COL18A1: variants seen among roughly 807,000 people sequenced by gnomAD.
COL18A1 encodes collagen type XVIII alpha 1 chain.
A neutral mutation model predicts 168.0 loss-of-function variants in COL18A1; 133 were observed. The observed-to-expected ratio is 0.79, with a 90% CI of 0.69 to 0.91. The LOEUF (loss-of-function observed/expected upper bound fraction) is 0.91, where lower values mean the gene tolerates loss of function less well. Among genes scored for constraint, COL18A1 ranks in the 40% least tolerant of loss-of-function variants. COL18A1 has a pLI of 0.00. For missense variants in COL18A1, 2,126 were observed against 1,925.4 expected (o/e 1.10, Z -1.95); for synonymous variants, 949 against 809.0 (o/e 1.17, Z -2.94).
Position 45,425,967 on chromosome 21 carries a change from G to A in COL18A1, c.106+20494G>A, listed in dbSNP as rs886547601. ...TCTTTCATGTGGGATGAGAACCCAG[G>A]AAGGGGCTGAGTGTGACTCCTCTGG... is the stretch of plus-strand genomic sequence containing the variant. On this transcript the variant is annotated intron_variant, in intron 2 of 41. Transcript: ENST00000651438. This position sits in a 1 kb window ranked among gnomAD's most constrained non-coding sequence, Gnocchi z 4.1. Among the ~76,000 whole-genome samples, 1 of 152,174 alleles carries A rather than the reference G, an allele frequency of 6.6e-6. No individual in the cohort carries two copies. Among genetic ancestry groups the A allele is most frequent in the African/African-American group, 2.4e-5 (1 of 41,444 alleles).
chr21:45,435,079 C>T (rs976473561), intron 2 of COL18A1, among the ~76,000 whole-genome samples: 1 of 152,042 alleles, frequency 6.6e-6, no homozygotes, highest in East Asian at 1.9e-4. Context: ...CCTGCTTTCT[C>T]GCAGCCCTGG....
chr21:45,442,607 G>A (rs2034399227), intron 2 of COL18A1, among the ~76,000 whole-genome samples: 1 of 151,458 alleles, frequency 6.6e-6, no homozygotes, highest in Non-Finnish European at 1.5e-5. Flanking sequence ...GTGCTGGTGT[G>A]GGCGGCGGTC....
chr21:45,427,423 C>G (rs1602358627), intron 2 of COL18A1, among the ~76,000 whole-genome samples: 1 of 152,140 alleles, frequency 6.6e-6, no homozygotes, highest in Admixed American at 6.5e-5. Context: ...GCCCACCAGC[C>G]TCCCATGTCT....
At chr21:45,503,951 A>C (rs1255631983) in intron 32 of COL18A1, 60 bp from the exon 33 acceptor site, 7 of 1,602,512 alleles carry the variant, frequency 4.4e-6, no homozygotes, top group Non-Finnish European at 1.7e-6. Flanking sequence ...GGGGCTGCAG[A>C]GGGAACCCGG....
At position 45,463,624 on chromosome 21, in the gene COL18A1, A is replaced by G. The variant is rs2035110074; in HGVS notation, c.107-4618A>G. On this transcript the variant is annotated intron_variant, in intron 2 of 41. Coordinates refer to ENST00000651438, the MANE Select transcript of COL18A1 (RefSeq NM_001379500.1). The surrounding 1 kb of genome is among the most constrained non-coding windows in gnomAD (Gnocchi z 4.0). ...TCAAGAAATCAAGTCTTGGCCAGGC[A>G]TGGTGGCTCACGTCTGTAATCCCAG... is the stretch of plus-strand genomic sequence containing the variant. Among the ~76,000 whole-genome samples, 1 of 152,194 alleles carries G rather than the reference A, an allele frequency of 6.6e-6. No individual in the cohort carries two copies. The highest frequency in any genetic ancestry group is 2.1e-4 in the South Asian group (1 of 4,828).
Position 45,504,441 on chromosome 21 carries a change from C to T in COL18A1, c.2753C>T (p.Ala918Val), listed in dbSNP as rs2037058211. The T allele has an allele frequency of 1.2e-6, 2 of 1,611,614 alleles. No homozygotes were observed. Among genetic ancestry groups the T allele is most frequent in the Non-Finnish European group, 1.7e-6 (2 of 1,179,326 alleles). The part of the protein sequence containing the change: ...MKGEKGDRGD[A>V]GQKGERGEPG... ...GGGGAGAAGGGAGACCGAGGTGATG[C>T]AGGACAGAAAGGCGAAAGGGGGGAG... Residue 918 changes from alanine to valine, a missense_variant, in exon 34 of 42, where the codon GCA (alanine) becomes GTA (valine). Physicochemically the swap from Ala to Val is moderately conservative, Grantham distance 64. Coordinates refer to ENST00000651438, the MANE Select transcript of COL18A1 (RefSeq NM_001379500.1).
At chr21:45,505,041 A>C (rs1353787156) in intron 34 of COL18A1, 93 bp from the exon 35 acceptor site, 5 of 1,519,072 alleles carry the variant, frequency 3.3e-6, no homozygotes, top group Non-Finnish European at 4.4e-6. Flanking sequence ...TGCGCTCGCC[A>C]AGGGGGTCTT....
chr21:45,466,590 C>T (rs990976187), intron 2 of COL18A1, among the ~76,000 whole-genome samples: 13 of 152,314 alleles, frequency 8.5e-5, no homozygotes, highest in East Asian at 7.7e-4. Context: ...GTGGAGGCTG[C>T]GCCATTCTCT....
chr21:45,511,311 C>T (rs1420511920), intron 41 of COL18A1, 85 bp downstream of exon 41: 20 of 745,060 alleles, frequency 2.7e-5, no homozygotes, highest in East Asian at 1.1e-4. Flanking sequence ...AGTTTCCCCC[C>T]GAGTTTTTGG....
rs746120970 is a variant in COL18A1 at position 45,509,443 on chromosome 21, G to C, written c.3337G>C (p.Ala1113Pro). Residue 1113 changes from alanine (A) to proline (P), a missense_variant, in exon 39 of 42, where the codon GCG becomes CCG. Ala to Pro is a conservative substitution (Grantham distance 27). Coordinates refer to ENST00000651438, the MANE Select transcript of COL18A1 (RefSeq NM_001379500.1). ...GCGGCGGGAGCACCCCCACCCCACC[G>C]CGCGGCCCTGGCGGGCAGATGACAT... ...YPRREHPHPT[A>P]RPWRADDILA... 60 of 1,532,768 alleles carry C rather than the reference G, an allele frequency of 3.9e-5. No homozygotes were observed. Among genetic ancestry groups the C allele is most frequent in the Non-Finnish European group, 4.9e-5 (56 of 1,141,668 alleles). 94.9% of individuals were successfully genotyped at this position (1,532,768 alleles called of 1,614,324 possible). A position where few individuals can be genotyped will look rare whatever the true frequency, so the allele number is the denominator to read the frequency against.
At position 45,473,107 on chromosome 21, in the gene COL18A1, T is replaced by C. The variant is rs73907507; in HGVS notation, c.652-788T>C. 4.4e-3 allele frequency among the ~76,000 whole-genome samples: 677 copies of C among 152,292 alleles called. 9 individuals carry two copies. The highest frequency in any genetic ancestry group is 0.016 in the African/African-American group (655 of 41,564). On this transcript the variant is annotated intron_variant, in intron 3 of 41. Coordinates refer to ENST00000651438, the MANE Select transcript of COL18A1 (RefSeq NM_001379500.1). This position sits in a 1 kb window ranked among gnomAD's most constrained non-coding sequence, Gnocchi z 4.0. ...CCCCACCTGGCAGCCCCTTTTCCTG[T>C]CAAAGCCCCTCCCAGCGTCCTCTCC...
Position 45,480,843 on chromosome 21 carries a change from G to T in COL18A1, c.1596G>T (p.Gly532=), listed in dbSNP as rs767408595. 34 of 1,610,990 alleles carry T rather than the reference G, an allele frequency of 2.1e-5. No homozygotes were observed. The highest frequency in any genetic ancestry group is 1.6e-4 in the Middle Eastern group (1 of 6,070). Residue 532 remains glycine, a synonymous_variant, in exon 13 of 42, where the codon GGG becomes GGT. Transcript: ENST00000651438. ...PGVPGREGPP[G]FPGLPGPPGP... ...TGCCTGGGCGCGAGGGTCCCCCCGGGTTTCCTGGCCTCCCGGTAAGTCCTG... is the reference window on the plus strand; with the variant it reads ...TGCCTGGGCGCGAGGGTCCCCCCGGTTTTCCTGGCCTCCCGGTAAGTCCTG...
chr21:45,485,404 G>A (rs989049388), intron 15 of COL18A1, among the ~76,000 whole-genome samples: 1 of 151,892 alleles, frequency 6.6e-6, no homozygotes, highest in African/African-American at 2.4e-5. Context: ...GCTGAGGTGG[G>A]AGGATTATTT....
chr21:45,452,876 GAGTA>G (rs2034665181), intron 2 of COL18A1, among the ~76,000 whole-genome samples: 1 of 151,656 alleles, frequency 6.6e-6, no homozygotes, highest in Non-Finnish European at 1.5e-5. Context: ...GTATGCATGT[GAGTA>G]TTCACATGTG....
Position 45,494,556 on chromosome 21 carries a change from C to T in COL18A1, c.2364C>T (p.Gly788=), listed in dbSNP as rs1168062988. The T allele has an allele frequency of 6.2e-7, 1 of 1,613,326 alleles. No individual in the cohort carries two copies. The highest frequency in any genetic ancestry group is 1.7e-5 in the Admixed American group (1 of 60,022). The change falls in exon 27 of 42, where the codon GGC becomes GGT. Residue 788 remains glycine (G), a synonymous_variant. Coordinates refer to ENST00000651438, the MANE Select transcript of COL18A1 (RefSeq NM_001379500.1). ...GTTTTTTTGCTCAGGGAGAGCCGGG[C>T]TTCCGAGGACCCCCGGTAAGTCGGT... ...PAQKGAKGEP[G]FRGPPGPYGR... is the part of the protein sequence containing the mutation.
In COL18A1 at chr21:45,496,583, C is replaced by T. The variant is rs1285756379; in HGVS notation, c.2577+15C>T. On this transcript the variant is annotated intron_variant, in intron 30 of 41. Coordinates refer to ENST00000651438, the MANE Select transcript of COL18A1 (RefSeq NM_001379500.1). ...ACGACAGCAATGTAAGTCCCCAGGGCACCCACTGTCCTACAGCCACCCTTG... is the reference window on the plus strand; with the variant it reads ...ACGACAGCAATGTAAGTCCCCAGGGTACCCACTGTCCTACAGCCACCCTTG... 5.5e-6 allele frequency: 7 copies of T among 1,282,886 alleles called. No homozygotes were observed. The highest frequency in any genetic ancestry group is 6.7e-6 in the Non-Finnish European group (6 of 889,412). The allele number at this position is 1,282,886 out of a possible 1,614,324, so 79.5% of individuals were successfully genotyped here.
At chr21:45,442,190 C>T (rs1194072516) in intron 2 of COL18A1, among the ~76,000 whole-genome samples, 1 of 152,096 alleles carries the variant, frequency 6.6e-6, no homozygotes, top group Non-Finnish European at 1.5e-5. Flanking sequence ...AGCCTGGACA[C>T]TGGCCATGAC....
intron 2 of COL18A1, among the ~76,000 whole-genome samples, chr21:45,419,295 G>A (rs940187700): frequency 5.3e-5 from 8 of 151,662 alleles, no homozygotes; most frequent in East Asian, 1.9e-4. Flanking sequence ...GGGTAGTGAC[G>A]TGATGCCGTG....
intron 17 of COL18A1, among the ~76,000 whole-genome samples, chr21:45,488,146 C>T (rs2036180470): frequency 6.6e-6 from 1 of 152,244 alleles, no homozygotes; most frequent in Admixed American, 6.5e-5. Flanking sequence ...CCACAGCGTC[C>T]AGCTTCATGC....
Sources: gnomAD v4.1 joint callset for allele counts (sites outside exome capture counted in the v4.1 genomes callset) on GRCh38, gnomAD v4.1.1 for gene constraint, Gnocchi (gnomAD v3.1) non-coding constraint, MANE v1.5 for transcripts, NCBI Gene and HGNC (gene_info 2026-07-23, HGNC 2026-07-21) for gene names.